Variants in SERPINA12 observed in about 807,000 individuals in gnomAD.
The protein encoded by SERPINA12 is serpin family A member 12.
SERPINA12 carries 21 observed loss-of-function variants against 25.9 expected under a neutral mutation model. That is an observed-to-expected ratio of 0.81 (90% CI 0.58 to 1.17). SERPINA12 has a LOEUF of 1.17. Ranked by LOEUF, SERPINA12 falls within the 50% of genes most tolerant of loss-of-function variation. SERPINA12 has a pLI of 0.00. For missense variants in SERPINA12, 562 were observed against 508.3 expected, an observed-to-expected ratio of 1.11 and a Z score of -1.02; for synonymous variants, 220 against 196.0, an observed-to-expected ratio of 1.12 and a Z score of -1.02.
At chr14:94,505,464 A>G (rs1422944217) in intron 1 of SERPINA12, among the ~76,000 whole-genome samples, 5 of 152,196 alleles carry the variant, frequency 3.3e-5, no homozygotes, top group Non-Finnish European at 7.3e-5. Context: ...ACACCATGTG[A>G]ACGGCGAGAT....
intron 1 of SERPINA12, among the ~76,000 whole-genome samples, chr14:94,504,765 A>G (rs1360149655): frequency 2.0e-5 from 3 of 152,168 alleles, no homozygotes; most frequent in African/African-American, 4.8e-5. Context: ...TGGTGAGACT[A>G]TGGTTGGGTT....
upstream of SERPINA12, among the ~76,000 whole-genome samples, chr14:94,512,803 A>G (rs1415174814): frequency 6.6e-6 from 1 of 152,202 alleles, no homozygotes; most frequent in East Asian, 1.9e-4. Flanking sequence ...ACATCTAACT[A>G]CTGACTATTT....
chr14:94,509,984 C>T (rs1901066635), upstream of SERPINA12: 7 of 985,432 alleles, frequency 7.1e-6, no homozygotes, highest in Non-Finnish European at 8.4e-6. Flanking sequence ...GGCCCTCTCT[C>T]ACCTCCCAGG....
Position 94,498,356 on chromosome 14 carries a change from G to A in SERPINA12, c.42C>T (p.Leu14=), listed in dbSNP as rs753963511. ...TLGLAIFLAV[L]LTVKGLLKPS... The stretch of plus-strand genomic sequence containing the variant: ...GCTTTAGAAGACCTTTCACCGTGAG[G>A]AGAACAGCCAGAAAAATGGCCAGGC... Residue 14 remains leucine, a synonymous_variant, in exon 2 of 5, where the codon CTC becomes CTT. Coordinates refer to ENST00000677451, the MANE Select transcript of SERPINA12 (RefSeq NM_001382267.1). 3 of 1,613,942 alleles carry A rather than the reference G, an allele frequency of 1.9e-6. No homozygotes were observed. Among genetic ancestry groups the A allele is most frequent in the African/African-American group, 1.3e-5 (1 of 74,888 alleles).
At chr14:94,496,208 T>G (rs1289609214) in intron 3 of SERPINA12, among the ~76,000 whole-genome samples, 165 bp downstream of exon 3, 1 of 152,250 alleles carries the variant, frequency 6.6e-6, no homozygotes, top group Admixed American at 6.5e-5. Context: ...AGCCAGGCAC[T>G]TCACTCTATT....
intron 2 of SERPINA12, among the ~76,000 whole-genome samples, chr14:94,515,401 T>C (rs1356055327): frequency 6.6e-6 from 1 of 151,952 alleles, no homozygotes; most frequent in African/African-American, 2.4e-5. Context: ...GCAATCAAAT[T>C]CACCTGTGTC....
chr14:94,500,907 G>A lies in SERPINA12; in HGVS notation c.-33-2477C>T, dbSNP rs981659392. ...TTTTTTAAAACGCCAGGACTACTAAGTAGGCAGGAGTTCTGTGCTCTGCTC... is the reference window on the plus strand; with the variant it reads ...TTTTTTAAAACGCCAGGACTACTAAATAGGCAGGAGTTCTGTGCTCTGCTC... On this transcript the variant is annotated intron_variant, in intron 1 of 4. Coordinates refer to ENST00000677451, the MANE Select transcript of SERPINA12 (RefSeq NM_001382267.1). The A allele has an allele frequency of 4.1e-6, 4 of 984,700 alleles. No individual in the cohort carries two copies. The African/African-American group carries it at 7.0e-5, about 17-fold the overall frequency. 61.0% of individuals were successfully genotyped at this position (984,700 alleles called of 1,614,324 possible).
intron 1 of SERPINA12, among the ~76,000 whole-genome samples, chr14:94,502,640 C>T (rs774023160): frequency 4.6e-5 from 7 of 152,186 alleles, no homozygotes; most frequent in Non-Finnish European, 8.8e-5. Flanking sequence ...TCACTCCTCT[C>T]CTGATAGTTG....
chr14:94,517,827 C>T (rs1390297373), exon 1 of SERPINA12: 2 of 152,270 alleles, frequency 1.3e-5, no homozygotes, highest in South Asian at 2.1e-4. Context: ...TGAGGACTCT[C>T]TGCCAGGCAC....
chr14:94,490,214 C>T (rs1283134767), intron 3 of SERPINA12, among the ~76,000 whole-genome samples: 1 of 152,164 alleles, frequency 6.6e-6, no homozygotes, highest in African/African-American at 2.4e-5. Context: ...TGTGACCTTC[C>T]CTCTCTAAGT....
In SERPINA12 at chr14:94,498,031, G is replaced by A. The variant is rs745883521; in HGVS notation, c.367C>T (p.Leu123=). Reference sequence around the variant, plus strand: ...TTGAGGTCCTGGGTCTTCTGGGTCAGCTCGTGGATGATGTAATGGAAGCCC... The same window carrying A: ...TTGAGGTCCTGGGTCTTCTGGGTCAACTCGTGGATGATGTAATGGAAGCCC... ...HEGFHYIIHE[L]TQKTQDLKLS... Residue 123 remains leucine (L), a synonymous_variant, in exon 2 of 5, where the codon CTG becomes TTG. Transcript: ENST00000677451. 4 of 1,614,036 alleles carry A rather than the reference G, an allele frequency of 2.5e-6. No homozygotes were observed. In the African/African-American group the frequency reaches 4.0e-5, roughly 16 times the overall value.
rs1189525278 is a variant in SERPINA12 at position 94,496,483 on chromosome 14, CT to C, written c.794del (p.Gln265ArgfsTer16). 2 of 1,613,984 alleles carry C rather than the reference CT, an allele frequency of 1.2e-6. No homozygotes were observed. The highest frequency in any genetic ancestry group is 2.7e-5 in the African/African-American group (2 of 74,900). ...GGATGAAGATGGCTGTGATATTTTT[CT>C]GGTAGGGTATTTCCAGGATGGTGCA... Reference protein sequence around the residue: ...LSCTILEIPYQKNITAIFILP... With the variant: ...LSCTILEIPYXKNITAIFILP... On this transcript the variant is annotated frameshift_variant, in exon 3 of 5. Coordinates refer to ENST00000677451, the MANE Select transcript of SERPINA12 (RefSeq NM_001382267.1). LOFTEE classifies it high-confidence loss of function.
At chr14:94,491,208 A>C (rs1900166487) in intron 3 of SERPINA12, among the ~76,000 whole-genome samples, 1 of 152,248 alleles carries the variant, frequency 6.6e-6, no homozygotes, top group Non-Finnish European at 1.5e-5. Context: ...GACAGGTGAT[A>C]GAATCAACAC....
At chr14:94,490,073 T>A (rs1411765743) in intron 3 of SERPINA12, among the ~76,000 whole-genome samples, 1 of 152,102 alleles carries the variant, frequency 6.6e-6, no homozygotes, top group Non-Finnish European at 1.5e-5. Flanking sequence ...ATGTCCACAC[T>A]GTAGTCGCTG....
At chr14:94,512,223 C>A (rs1464570147), upstream of SERPINA12, among the ~76,000 whole-genome samples, 1 of 152,206 alleles carries the variant, frequency 6.6e-6, no homozygotes, top group Non-Finnish European at 1.5e-5. Flanking sequence ...CCATCCCCCA[C>A]CCACTCACGT....
chr14:94,501,226 G>A lies in SERPINA12; in HGVS notation c.-33-2796C>T, dbSNP rs374744075. The stretch of plus-strand genomic sequence containing the variant: ...TAAAAATAGAAGCTTCTGCTATTCA[G>A]AGTGGGCGCAAGTTCCCAGTGCCTA... On this transcript the variant is annotated intron_variant, in intron 1 of 4. Transcript: ENST00000677451. The A allele has an allele frequency of 1.5e-5, 14 of 938,960 alleles. No homozygotes were observed. In the East Asian group the frequency reaches 1.2e-3, roughly 78 times the overall value. The allele number at this position is 938,960 out of a possible 1,614,324, so 58.2% of individuals were successfully genotyped here.
intron 2 of SERPINA12, 152 bp downstream of exon 2, chr14:94,497,612 G>T (rs1374045660): frequency 6.0e-6 from 4 of 671,968 alleles, no homozygotes; most frequent in African/African-American, 3.6e-5. Flanking sequence ...ATGTATCATG[G>T]TAACCATTTT....
intron 3 of SERPINA12, among the ~76,000 whole-genome samples, chr14:94,492,632 A>G (rs1161467416): frequency 6.6e-6 from 1 of 152,222 alleles, no homozygotes; most frequent in Non-Finnish European, 1.5e-5. Context: ...GATGTTCCTG[A>G]GTAGCAGGGG....
chr14:94,501,664 CCG>C (rs201557844), intron 1 of SERPINA12, among the ~76,000 whole-genome samples: 30,339 of 107,278 alleles, frequency 0.28, 4,024 homozygotes, highest in Middle Eastern at 0.45. Flanking sequence ...CACCACCTCC[CCG>C]CCCCCCCACC....
Sources: gnomAD v4.1 joint callset for allele counts (sites outside exome capture counted in the v4.1 genomes callset) on GRCh38, gnomAD v4.1.1 for gene constraint, MANE v1.5 for transcripts, NCBI Gene and HGNC (gene_info 2026-07-23, HGNC 2026-07-21) for gene names.